The following AGPAT3 variants were observed in gnomAD, a reference collection of about 807,000 sequenced individuals.
The protein encoded by AGPAT3 is 1-acylglycerol-3-phosphate O-acyltransferase 3.
Under a neutral mutation model 47.3 loss-of-function variants are expected in AGPAT3, and 5 were observed. The observed-to-expected ratio is 0.11, with a 90% confidence interval of 0.06 to 0.22. AGPAT3 has a LOEUF of 0.22. Ranked by LOEUF, AGPAT3 falls within the 10% of genes least tolerant of loss-of-function variation. The pLI is 1.00. For missense variants in AGPAT3, 315 were observed against 493.0 expected, an observed-to-expected ratio of 0.64 and a Z score of 3.42; for synonymous variants, 212 against 208.3, an observed-to-expected ratio of 1.02 and a Z score of -0.15.
intron 2 of AGPAT3, among the ~76,000 whole-genome samples, chr21:43,927,557 G>T (rs1443339626): frequency 1.3e-5 from 2 of 152,200 alleles, no homozygotes; most frequent in Non-Finnish European, 2.9e-5. Flanking sequence ...GTCTTAAATT[G>T]CAGCAGGCTT....
chr21:43,982,421 C>T lies in AGPAT3; in HGVS notation c.*29C>T, dbSNP rs200449945. 1.1e-4 allele frequency: 166 copies of T among 1,539,006 alleles called. No individual in the cohort carries two copies. The highest frequency in any genetic ancestry group is 1.2e-5 in the Non-Finnish European group (13 of 1,113,078). On this transcript the variant is annotated 3_prime_UTR_variant, in exon 10 of 10. Transcript: ENST00000291572. This position sits in a 1 kb window ranked among gnomAD's most constrained non-coding sequence, Gnocchi z 6.2. ...ATGGCTGTGACTGAACACACGCGGC[C>T]CTGACGGTGGTATCCAGTTAACTCA...
At chr21:43,885,826 TGCAGGTGC>T (rs145429300) in intron 1 of AGPAT3, among the ~76,000 whole-genome samples, 43,924 of 151,710 alleles carry the variant, frequency 0.29, 7,391 homozygotes, top group East Asian at 0.53. Flanking sequence ...GGTGAAGGTG[TGCAGGTGC>T]GCAGGTGCGC....
At chr21:43,919,170 T>A (rs893074550) in intron 2 of AGPAT3, among the ~76,000 whole-genome samples, 4 of 152,208 alleles carry the variant, frequency 2.6e-5, no homozygotes, top group Admixed American at 2.6e-4. Context: ...TTTTCTTTTT[T>A]TTTAAACTTC....
Position 43,897,649 on chromosome 21 carries a change from A to C in AGPAT3, c.-111-6308A>C, listed in dbSNP as rs184908164. 3.3e-4 allele frequency among the ~76,000 whole-genome samples: 42 copies of C among 126,098 alleles called. 4 individuals are homozygous for C. The highest frequency in any genetic ancestry group is 1.2e-3 in the African/African-American group (30 of 25,204). The allele number at this position is 126,098 out of a possible 152,430, so 82.7% of individuals were successfully genotyped here. ...GGGCGGCCGGGCAGAGGCGCTCCTC[A>C]CATCCCAGACGGGGCGGCCGGGCAG... On this transcript the variant is annotated intron_variant, in intron 1 of 9. Transcript: ENST00000291572.
At chr21:43,876,531 A>G (rs942266923) in intron 1 of AGPAT3, among the ~76,000 whole-genome samples, 30 of 152,242 alleles carry the variant, frequency 2.0e-4, no homozygotes, top group African/African-American at 7.2e-4. Flanking sequence ...TGGGCTCACA[A>G]AGGGGATGTC....
Position 43,985,428 on chromosome 21 carries a change from G to A in AGPAT3, c.*3036G>A. On this transcript the variant is annotated 3_prime_UTR_variant, in exon 10 of 10. Transcript: ENST00000291572. The stretch of plus-strand genomic sequence containing the variant: ...AAAAAAAAAAGCACGTCCTGTCGAT[G>A]AATTTTGAGTCTCTCTGCCTTGCCT... 3.0e-6 allele frequency: 1 copy of A among 333,998 alleles called. No individual in the cohort carries two copies. The highest frequency in any genetic ancestry group is 5.8e-6 in the Non-Finnish European group (1 of 171,208). 20.7% of individuals were successfully genotyped at this position (333,998 alleles called of 1,614,324 possible).
At chr21:43,931,224 C>T (rs1259358411) in intron 2 of AGPAT3, among the ~76,000 whole-genome samples, 1 of 152,130 alleles carries the variant, frequency 6.6e-6, no homozygotes, top group Non-Finnish European at 1.5e-5. Context: ...CCACGTTCCC[C>T]GCATCTGGTG....
At chr21:43,910,173 C>T (rs558964669) in intron 2 of AGPAT3, among the ~76,000 whole-genome samples, 4 of 152,340 alleles carry the variant, frequency 2.6e-5, no homozygotes, top group South Asian at 2.1e-4. Context: ...GGGATGGAGA[C>T]GGCCTCCCTC....
chr21:43,969,407 A>C lies in AGPAT3; in HGVS notation c.510+128A>C, dbSNP rs1346120881. Reference sequence around the variant, plus strand: ...CCTCTGCACATGGGGTGCTGTTTCCATGGGGCCATGACTCCCCCATCTGAG... The same window carrying C: ...CCTCTGCACATGGGGTGCTGTTTCCCTGGGGCCATGACTCCCCCATCTGAG... On this transcript the variant is annotated intron_variant, in intron 5 of 9. Coordinates refer to ENST00000291572, the MANE Select transcript of AGPAT3 (RefSeq NM_020132.5). The C allele has an allele frequency of 3.3e-6, 4 of 1,226,680 alleles. No homozygotes were observed. The South Asian group carries it at 5.9e-5, about 18-fold the overall frequency. The allele number at this position is 1,226,680 out of a possible 1,614,324, so 76.0% of individuals were successfully genotyped here.
At chr21:43,901,648 C>G (rs1207750513) in intron 1 of AGPAT3, among the ~76,000 whole-genome samples, 1 of 151,928 alleles carries the variant, frequency 6.6e-6, no homozygotes, top group East Asian at 1.9e-4. Context: ...GTGGTGCACA[C>G]CTGTGGTCTC....
chr21:43,896,578 A>C (rs1188085170), intron 1 of AGPAT3, among the ~76,000 whole-genome samples: 1 of 152,178 alleles, frequency 6.6e-6, no homozygotes, highest in African/African-American at 2.4e-5. Context: ...CCATTTGTTT[A>C]TGTCTTGTCT....
intron 4 of AGPAT3, among the ~76,000 whole-genome samples, chr21:43,968,318 T>G (rs1265845526): frequency 1.5e-3 from 73 of 49,402 alleles, no homozygotes; most frequent in Middle Eastern, 7.6e-3. Context: ...GGGCTGGGGG[T>G]GAGTGGGGGG....
chr21:43,926,978 CA>C (rs905520861), intron 2 of AGPAT3, among the ~76,000 whole-genome samples: 1,674 of 54,486 alleles, frequency 0.031, 12 homozygotes, highest in Admixed American at 0.064. Flanking sequence ...GACTCTGTCT[CA>C]AAAAAAAAAA....
chr21:43,982,249 G>A lies in AGPAT3; in HGVS notation c.1043-55G>A. 7.0e-7 allele frequency: 1 copy of A among 1,429,310 alleles called. No individual in the cohort carries two copies. The highest frequency in any genetic ancestry group is 9.8e-7 in the Non-Finnish European group (1 of 1,020,660). The allele number at this position is 1,429,310 out of a possible 1,614,324, so 88.5% of individuals were successfully genotyped here. A position where few individuals can be genotyped will look rare whatever the true frequency, so the allele number is the denominator to read the frequency against. ...GGAAGCCCCAGTAACACGTTTTACAGCAAAAAGGCAAAGTCATCCGTCTCA... is the reference window on the plus strand; with the variant it reads ...GGAAGCCCCAGTAACACGTTTTACAACAAAAAGGCAAAGTCATCCGTCTCA... On this transcript the variant is annotated intron_variant, in intron 9 of 9. Transcript: ENST00000291572. This position sits in a 1 kb window ranked among gnomAD's most constrained non-coding sequence, Gnocchi z 6.2.
At chr21:43,972,738 G>A (rs567332920) in intron 7 of AGPAT3, among the ~76,000 whole-genome samples, 1 of 152,330 alleles carries the variant, frequency 6.6e-6, no homozygotes, top group African/African-American at 2.4e-5. Flanking sequence ...AACACAGGCT[G>A]GGGTTGTGAC....
Position 43,930,513 on chromosome 21 carries a change from C to T in AGPAT3, c.-49+26494C>T, listed in dbSNP as rs188982779. Reference sequence around the variant, plus strand: ...TCAGCAACATCATCTTTCTTACTGTCCCTGTTCTCTGGGCCTCTCTCAGAC... The same window carrying T: ...TCAGCAACATCATCTTTCTTACTGTTCCTGTTCTCTGGGCCTCTCTCAGAC... On this transcript the variant is annotated intron_variant, in intron 2 of 9. Transcript: ENST00000291572. The surrounding 1 kb of genome is among the most constrained non-coding windows in gnomAD (Gnocchi z 5.0). Among the ~76,000 whole-genome samples the T allele has an allele frequency of 3.7e-4, 57 of 152,228 alleles. No individual in the cohort carries two copies. Among genetic ancestry groups the T allele is most frequent in the Non-Finnish European group, 5.1e-4 (35 of 68,006 alleles).
At chr21:43,871,653 G>A (rs1156887082) in intron 1 of AGPAT3, among the ~76,000 whole-genome samples, 2 of 152,206 alleles carry the variant, frequency 1.3e-5, no homozygotes, top group Non-Finnish European at 2.9e-5. Flanking sequence ...ATGAAAGTGA[G>A]CATCCTGCAT....
intron 1 of AGPAT3, among the ~76,000 whole-genome samples, chr21:43,898,771 C>T (rs1164567935): frequency 1.3e-5 from 2 of 152,246 alleles, no homozygotes; most frequent in Admixed American, 6.5e-5. Flanking sequence ...AGGTGATCAG[C>T]CCACCTTGGC....
chr21:43,867,090 A>C (rs1348747199), intron 1 of AGPAT3: 1 of 152,290 alleles, frequency 6.6e-6, no homozygotes, highest in Non-Finnish European at 1.5e-5. Flanking sequence ...TATTTTGGAA[A>C]TTAGAAAAAG....
Sources: allele counts gnomAD v4.1 joint callset (sites outside exome capture counted in the v4.1 genomes callset), GRCh38; gene constraint gnomAD v4.1.1; non-coding constraint Gnocchi (gnomAD v3.1); transcripts MANE v1.5; gene names NCBI Gene and HGNC (gene_info 2026-07-23, HGNC 2026-07-21).